Variants in PARVB observed in about 807,000 individuals in gnomAD.
The protein encoded by PARVB is beta-parvin.
Under a neutral mutation model 47.0 loss-of-function variants are expected in PARVB, and 46 were observed. The ratio of observed to expected loss-of-function variants is 0.98; its 90% CI spans 0.77 to 1.25. The LOEUF (loss-of-function observed/expected upper bound fraction) is 1.25. Ranked by LOEUF, PARVB falls within the 50% of genes most tolerant of loss-of-function variation. The pLI is 0.00. For synonymous variants in PARVB, 196 were observed against 196.3 expected, an observed-to-expected ratio of 1.00 and a Z score of 0.01; for missense variants, 473 against 471.6, an observed-to-expected ratio of 1.00 and a Z score of -0.03.
At chr22:44,165,557 G>T (rs1280297158) in intron 12 of PARVB, among the ~76,000 whole-genome samples, 1 of 152,224 alleles carries the variant, frequency 6.6e-6, no homozygotes, top group Non-Finnish European at 1.5e-5. Context: ...ATGCTGCTTT[G>T]CCTCTCCCCA....
At chr22:44,007,249 G>A (rs1410311719) in intron 2 of PARVB, among the ~76,000 whole-genome samples, 2 of 151,728 alleles carry the variant, frequency 1.3e-5, no homozygotes, top group Admixed American at 6.6e-5. Flanking sequence ...TGGGGAGGGG[G>A]TGCCCAGCTC....
chr22:44,048,650 C>T (rs1412466921), intron 1 of PARVB, among the ~76,000 whole-genome samples: 1 of 152,218 alleles, frequency 6.6e-6, no homozygotes, highest in African/African-American at 2.4e-5. Flanking sequence ...TAACCTCCGC[C>T]TCCAGGCTTC....
chr22:44,142,377 CAAAAAAAAAAAAAAAAAAAAA>C (rs3053819), intron 8 of PARVB: 2 of 57,042 alleles, frequency 3.5e-5, no homozygotes, highest in East Asian at 7.1e-4. Context: ...GACTCTGTCT[CAAAAAAAAAAAAAAAAAAAAA>C]AAAAAAAAAA....
At chr22:44,008,624 G>C (rs2050490902) in intron 2 of PARVB, among the ~76,000 whole-genome samples, 1 of 152,104 alleles carries the variant, frequency 6.6e-6, no homozygotes. Flanking sequence ...GCTTGGGTCT[G>C]CCACTCTGAG....
rs57745730 is a variant in PARVB at position 44,035,368 on chromosome 22, CTTTTTTT to C, written c.112+10931_112+10937del. On this transcript the variant is annotated intron_variant, in intron 1 of 12. Coordinates refer to ENST00000338758, the MANE Select transcript of PARVB (RefSeq NM_013327.5). ...TCACGCTTTTCTTCTTTTCTTTTTC[CTTTTTTT>C]TTTTTTTTTTTTTGAGACGGAGTCT... is the stretch of plus-strand genomic sequence containing the variant. Among the ~76,000 whole-genome samples the C allele has an allele frequency of 2.3e-4, 27 of 118,040 alleles. 1 individual carries two copies. Among genetic ancestry groups the C allele is most frequent in the African/African-American group, 6.4e-4 (21 of 32,992 alleles). The allele number at this position is 118,040 out of a possible 152,430, so 77.4% of individuals were successfully genotyped here.
intron 1 of PARVB, 152 bp from the exon 2 acceptor site, chr22:44,093,776 C>T (rs556860706): frequency 4.6e-5 from 27 of 581,688 alleles, no homozygotes; most frequent in African/African-American, 4.6e-4. Flanking sequence ...GCATTTTTCC[C>T]TCTGACTCTT....
intron 1 of PARVB, among the ~76,000 whole-genome samples, chr22:44,071,627 C>T (rs939270430): frequency 5.3e-5 from 8 of 152,176 alleles, no homozygotes; most frequent in Non-Finnish European, 1.0e-4. Flanking sequence ...TGACTGGAAT[C>T]CCTGTCCTCA....
intron 2 of PARVB, among the ~76,000 whole-genome samples, chr22:44,019,066 G>C (rs2050615879): frequency 6.7e-6 from 1 of 149,944 alleles, no homozygotes; most frequent in African/African-American, 2.5e-5. Flanking sequence ...ATAGGCGCCT[G>C]CCACCATACC....
intron 1 of PARVB, among the ~76,000 whole-genome samples, chr22:44,034,699 C>T (rs1473211284): frequency 2.1e-5 from 3 of 146,326 alleles, no homozygotes; most frequent in South Asian, 2.2e-4. Context: ...CAGAAATCCA[C>T]GTGTAACTTT....
At chr22:44,121,710 C>T (rs2053052018) in intron 4 of PARVB, among the ~76,000 whole-genome samples, 1 of 152,058 alleles carries the variant, frequency 6.6e-6, no homozygotes, top group South Asian at 2.1e-4. Context: ...TCTCTTTAAG[C>T]CAAAAGAGGT....
At chr22:44,100,827 G>A (rs1382488414) in intron 3 of PARVB, among the ~76,000 whole-genome samples, 1 of 152,148 alleles carries the variant, frequency 6.6e-6, no homozygotes, top group Non-Finnish European at 1.5e-5. Context: ...AAGAGGAGAG[G>A]CTGTGGGCTC....
intron 11 of PARVB, among the ~76,000 whole-genome samples, chr22:44,161,390 T>C (rs952641897): frequency 6.7e-6 from 1 of 150,362 alleles, no homozygotes; most frequent in African/African-American, 2.5e-5. Flanking sequence ...CTCGGCTCAC[T>C]GCAACCCCCG....
At chr22:44,123,018 C>T (rs2147137401) in intron 4 of PARVB, among the ~76,000 whole-genome samples, 1 of 152,328 alleles carries the variant, frequency 6.6e-6, no homozygotes, top group East Asian at 1.9e-4. Context: ...TGGGTTGCTT[C>T]CTTGAGCTGA....
At chr22:44,128,991 T>C (rs1327877601) in intron 4 of PARVB, among the ~76,000 whole-genome samples, 1 of 152,148 alleles carries the variant, frequency 6.6e-6, no homozygotes, top group Non-Finnish European at 1.5e-5. Context: ...GGCAGGAGGA[T>C]CGCTTGAACC....
At chr22:44,144,175 C>G (rs1026913526) in intron 8 of PARVB, 1 of 152,390 alleles carries the variant, frequency 6.6e-6, no homozygotes, top group African/African-American at 2.4e-5. Context: ...TGGCTTGAAC[C>G]CCAGGACTGC....
chr22:44,053,525 A>G (rs1446655126), intron 1 of PARVB, among the ~76,000 whole-genome samples: 3 of 152,226 alleles, frequency 2.0e-5, no homozygotes, highest in African/African-American at 4.8e-5. Context: ...CCAGACTCAC[A>G]GCAACACAAC....
chr22:44,147,159 A>G, intron 8 of PARVB: 1 of 169,550 alleles, frequency 5.9e-6, no homozygotes, highest in Non-Finnish European at 1.3e-5. Flanking sequence ...GGGTGCATGT[A>G]GGAGGATAAC....
chr22:44,167,783 T>C (rs1458193223), intron 12 of PARVB, among the ~76,000 whole-genome samples: 2 of 152,036 alleles, frequency 1.3e-5, no homozygotes, highest in Non-Finnish European at 2.9e-5. Context: ...AGCCCTGCTT[T>C]TGCTCTGACA....
chr22:44,067,828 G>A (rs966582935), intron 1 of PARVB, among the ~76,000 whole-genome samples: 5 of 152,218 alleles, frequency 3.3e-5, no homozygotes, highest in African/African-American at 4.8e-5. Flanking sequence ...CTGGGGACTC[G>A]CATCGGCATT....
Sources: gnomAD v4.1 joint callset for allele counts (sites outside exome capture counted in the v4.1 genomes callset) on GRCh38, gnomAD v4.1.1 for gene constraint, MANE v1.5 for transcripts, NCBI Gene and HGNC (gene_info 2026-07-23, HGNC 2026-07-21) for gene names.